Variants in DTNA observed in about 807,000 individuals in gnomAD.
DTNA encodes the protein dystrophin-related protein 3.
In DTNA, 43 loss-of-function variants were observed where a neutral mutation model predicts 100.7. The observed-to-expected ratio is 0.43, with a 90% CI of 0.33 to 0.55. The LOEUF is 0.55. DTNA is among the 20% of genes least tolerant of loss of function. The pLI, the probability that DTNA is intolerant of heterozygous loss-of-function variation, is 0.04. For missense variants in DTNA, 798 were observed against 953.9 expected (o/e 0.84, Z 2.15); for synonymous variants, 349 against 347.9 (o/e 1.00, Z -0.04).
intron 1 of DTNA, among the ~76,000 whole-genome samples, chr18:34,602,477 G>C (rs968194606): frequency 3.3e-5 from 5 of 152,154 alleles, no homozygotes; most frequent in African/African-American, 1.2e-4. Context: ...GTGTTTTCCA[G>C]TGTAATTTGA....
At chr18:34,504,503 C>T (rs1447362743) in intron 1 of DTNA, among the ~76,000 whole-genome samples, 1 of 152,170 alleles carries the variant, frequency 6.6e-6, no homozygotes, top group Non-Finnish European at 1.5e-5. Flanking sequence ...TCTCTAGCCA[C>T]CCTTTGTGAG....
chr18:34,580,267 A>G (rs2048490350), intron 1 of DTNA, among the ~76,000 whole-genome samples: 1 of 152,038 alleles, frequency 6.6e-6, no homozygotes, highest in Non-Finnish European at 1.5e-5. Flanking sequence ...ATAATTTTTA[A>G]ACAAATCTCT....
At chr18:34,660,208 C>T (rs1316007557) in intron 1 of DTNA, among the ~76,000 whole-genome samples, 2 of 151,982 alleles carry the variant, frequency 1.3e-5, no homozygotes, top group African/African-American at 2.4e-5. Flanking sequence ...ATTCTAAGCC[C>T]CCCAACCATC....
intron 1 of DTNA, among the ~76,000 whole-genome samples, chr18:34,591,610 C>T (rs751163231): frequency 1.3e-5 from 2 of 152,200 alleles, no homozygotes; most frequent in African/African-American, 4.8e-5. Context: ...TAAAGAAACA[C>T]AGTGACAGAA....
Position 34,858,197 on chromosome 18 carries a change from C to G in DTNA, c.1533-88C>G. 2.5e-6 allele frequency: 3 copies of G among 1,216,536 alleles called. No individual in the cohort carries two copies. In the East Asian group the frequency reaches 7.3e-5, roughly 30 times the overall value. 75.4% of individuals were successfully genotyped at this position (1,216,536 alleles called of 1,614,324 possible). A position where few individuals can be genotyped will look rare whatever the true frequency, so the allele number is the denominator to read the frequency against. ...CTAAACATAGGATGATCCCTTCTCTCTTTGTTCTGGTGGCCTTGATCTGCT... is the reference window on the plus strand; with the variant it reads ...CTAAACATAGGATGATCCCTTCTCTGTTTGTTCTGGTGGCCTTGATCTGCT... On this transcript the variant is annotated intron_variant, in intron 15 of 22. Coordinates refer to ENST00000444659, the MANE Select transcript of DTNA (RefSeq NM_001386795.1).
At chr18:34,859,120 C>G (rs2096586779) in intron 16 of DTNA, among the ~76,000 whole-genome samples, 1 of 152,122 alleles carries the variant, frequency 6.6e-6, no homozygotes, top group Non-Finnish European at 1.5e-5. Flanking sequence ...TCACACCTTC[C>G]TGTACTATAA....
At chr18:34,639,003 G>A (rs777177625) in intron 1 of DTNA, among the ~76,000 whole-genome samples, 3 of 152,080 alleles carry the variant, frequency 2.0e-5, no homozygotes, top group African/African-American at 2.4e-5. Context: ...CACCATGTCC[G>A]GCTAATTTTG....
At chr18:34,634,903 A>G (rs2058496861) in intron 1 of DTNA, among the ~76,000 whole-genome samples, 1 of 152,114 alleles carries the variant, frequency 6.6e-6, no homozygotes, top group Non-Finnish European at 1.5e-5. Flanking sequence ...TGTGCTGAAA[A>G]TTTTACTCAC....
chr18:34,578,205 T>G (rs1270459751), intron 1 of DTNA, among the ~76,000 whole-genome samples: 2 of 152,120 alleles, frequency 1.3e-5, no homozygotes, highest in African/African-American at 4.8e-5. Flanking sequence ...TGGTTTTGAT[T>G]TGCATTTCCC....
chr18:34,510,444 G>A (rs997591585), intron 1 of DTNA, among the ~76,000 whole-genome samples: 2 of 151,732 alleles, frequency 1.3e-5, no homozygotes, highest in Admixed American at 6.6e-5. Context: ...TTTCACCAAG[G>A]CCGTGACAAG....
Position 34,511,428 on chromosome 18 carries a change from C to T in DTNA, c.-2+17914C>T, listed in dbSNP as rs7242220. ...TGTAACTTGTTGAATATGACAGAGC[C>T]ACCAAAAGGTAGAGCTGAAATTCCT... On this transcript the variant is annotated intron_variant, in intron 1 of 19. Transcript: ENST00000283365. 4.2e-3 allele frequency among the ~76,000 whole-genome samples: 632 copies of T among 152,084 alleles called. 5 individuals are homozygous for T. Among genetic ancestry groups the T allele is most frequent in the African/African-American group, 0.014 (593 of 41,540 alleles).
intron 1 of DTNA, among the ~76,000 whole-genome samples, chr18:34,686,231 A>G (rs1278194410): frequency 1.3e-5 from 2 of 152,194 alleles, no homozygotes; most frequent in African/African-American, 2.4e-5. Context: ...TTCAAAGGGA[A>G]TGCTTCTGGC....
rs927766789 is a variant in DTNA at position 34,537,097 on chromosome 18, C to T, written c.-2+43583C>T. On this transcript the variant is annotated intron_variant, in intron 1 of 19. Coordinates refer to the DTNA transcript ENST00000283365. ...GAAGTATCAGTACAACTTGCTATTA[C>T]TAGCTATACCTGTCTAAATCTCCAT... Among the ~76,000 whole-genome samples the T allele has an allele frequency of 3.9e-5, 6 of 151,996 alleles. No individual in the cohort carries two copies. In the South Asian group the frequency reaches 1.2e-3, roughly 31 times the overall value.
At chr18:34,611,725 C>T (rs1196401830) in intron 1 of DTNA, among the ~76,000 whole-genome samples, 2 of 152,152 alleles carry the variant, frequency 1.3e-5, no homozygotes, top group Non-Finnish European at 2.9e-5. Flanking sequence ...GGACCTGGTT[C>T]TCCCCTTAGC....
At chr18:34,624,837 A>C (rs1599223436) in intron 1 of DTNA, among the ~76,000 whole-genome samples, 2 of 152,090 alleles carry the variant, frequency 1.3e-5, no homozygotes, top group Admixed American at 1.3e-4. Flanking sequence ...GAATAGGGTA[A>C]TTAATTCCAG....
At chr18:34,607,789 G>T (rs2053437514) in intron 1 of DTNA, among the ~76,000 whole-genome samples, 3 of 152,216 alleles carry the variant, frequency 2.0e-5, no homozygotes, top group South Asian at 2.1e-4. Context: ...GGGGTACTTT[G>T]TTTCCCATGC....
intron 1 of DTNA, among the ~76,000 whole-genome samples, chr18:34,695,777 T>C (rs1160461888): frequency 6.6e-6 from 1 of 152,204 alleles, no homozygotes; most frequent in Non-Finnish European, 1.5e-5. Context: ...GAAATACTTT[T>C]TACAGAATAC....
At chr18:34,830,123 T>C (rs892226247) in intron 11 of DTNA, among the ~76,000 whole-genome samples, 1 of 152,206 alleles carries the variant, frequency 6.6e-6, no homozygotes, top group African/African-American at 2.4e-5. Context: ...ATGCCAGATG[T>C]AGGCAAAAGT....
chr18:34,499,301 G>T (rs1319109851), intron 1 of DTNA, among the ~76,000 whole-genome samples: 1 of 152,186 alleles, frequency 6.6e-6, no homozygotes, highest in Admixed American at 6.5e-5. Context: ...CTAGGTTGTT[G>T]AATGTCCCAA....
Sources: gnomAD v4.1 joint callset for allele counts (sites outside exome capture counted in the v4.1 genomes callset) on GRCh38, gnomAD v4.1.1 for gene constraint, MANE v1.5 for transcripts, NCBI Gene and HGNC (gene_info 2026-07-23, HGNC 2026-07-21) for gene names.